DPF3: variants seen among roughly 807,000 people sequenced by gnomAD.
The protein encoded by DPF3 is zinc finger protein DPF3.
Under a neutral mutation model 56.8 loss-of-function variants are expected in DPF3, and 18 were observed. The ratio of observed to expected loss-of-function variants is 0.32; its 90% CI spans 0.22 to 0.47. The LOEUF (loss-of-function observed/expected upper bound fraction) is 0.47. DPF3 is among the 20% of genes least tolerant of loss of function. The pLI, the probability that DPF3 is intolerant of heterozygous loss-of-function variation, is 1.00. For missense variants in DPF3, 403 were observed against 488.8 expected (o/e 0.82, Z 1.65); for synonymous variants, 188 against 180.2 (o/e 1.04, Z -0.35).
At chr14:72,860,556 T>TTTTTCC (rs1452772780) in intron 1 of DPF3, among the ~76,000 whole-genome samples, 1 of 151,556 alleles carries the variant, frequency 6.6e-6, no homozygotes, top group African/African-American at 2.4e-5. Context: ...AGCTTAATTC[T>TTTTTCC]TTTTCTTTTT....
At chr14:72,643,871 C>T (rs1175885579) in intron 8 of DPF3, among the ~76,000 whole-genome samples, 1 of 152,204 alleles carries the variant, frequency 6.6e-6, no homozygotes, top group Non-Finnish European at 1.5e-5. Context: ...GGAAGGATCC[C>T]CTTTTTGTCA....
intron 1 of DPF3, among the ~76,000 whole-genome samples, chr14:72,851,362 T>A (rs759111967): frequency 6.6e-6 from 1 of 152,224 alleles, no homozygotes; most frequent in Non-Finnish European, 1.5e-5. Context: ...CTCTTTTTCT[T>A]ATCCATCTTC....
intron 1 of DPF3, 148 bp from the exon 2 acceptor site, chr14:72,772,041 C>A: frequency 1.2e-6 from 1 of 867,618 alleles, no homozygotes; most frequent in Non-Finnish European, 1.6e-6. Flanking sequence ...AAGAGCCTTG[C>A]CAATGAGCAG....
chr14:72,738,648 G>A (rs1181703177), intron 3 of DPF3, among the ~76,000 whole-genome samples: 1 of 152,182 alleles, frequency 6.6e-6, no homozygotes, highest in East Asian at 1.9e-4. Context: ...ATCAGGAGAG[G>A]CTGGTCAGAT....
At chr14:72,693,434 G>C (rs956348052) in intron 6 of DPF3, among the ~76,000 whole-genome samples, 1 of 152,100 alleles carries the variant, frequency 6.6e-6, no homozygotes, top group Non-Finnish European at 1.5e-5. Context: ...TAAAATATGA[G>C]GTTAAGAGCT....
intron 8 of DPF3, among the ~76,000 whole-genome samples, chr14:72,643,303 A>G (rs545142137): frequency 6.6e-6 from 1 of 152,308 alleles, no homozygotes; most frequent in East Asian, 1.9e-4. Context: ...CATTTGCACC[A>G]CATAAGGGTG....
At chr14:72,887,166 C>CACAT (rs1432083008) in intron 1 of DPF3, among the ~76,000 whole-genome samples, 32 of 112,696 alleles carry the variant, frequency 2.8e-4, no homozygotes, top group Non-Finnish European at 5.2e-4. Flanking sequence ...CACACACACA[C>CACAT]ACACACACAC....
At chr14:72,624,361 C>CA (rs754888615) in intron 9 of DPF3, among the ~76,000 whole-genome samples, 1,298 of 104,120 alleles carry the variant, frequency 0.012, 10 homozygotes, top group Non-Finnish European at 0.018. Context: ...TTTTCTGAGA[C>CA]AGAGTCTCAC....
intron 6 of DPF3, among the ~76,000 whole-genome samples, chr14:72,712,837 T>C (rs1407098886): frequency 1.2e-4 from 18 of 152,348 alleles, no homozygotes; most frequent in Non-Finnish European, 1.5e-5. Flanking sequence ...ATTGCACCAC[T>C]GTACTCCAGC....
intron 1 of DPF3, among the ~76,000 whole-genome samples, chr14:72,845,423 T>C (rs1884710419): frequency 6.6e-6 from 1 of 152,172 alleles, no homozygotes. Context: ...ATCAGCTACC[T>C]ACTTGTCCAC....
intron 1 of DPF3, among the ~76,000 whole-genome samples, chr14:72,797,722 A>G (rs1892697958): frequency 6.6e-6 from 1 of 152,338 alleles, no homozygotes; most frequent in Non-Finnish European, 1.5e-5. Context: ...AATAGAAAAG[A>G]AAGTTTCACA....
At chr14:72,781,074 G>T (rs1891950255) in intron 1 of DPF3, among the ~76,000 whole-genome samples, 1 of 152,318 alleles carries the variant, frequency 6.6e-6, no homozygotes, top group South Asian at 2.1e-4. Flanking sequence ...TAAAACAAGG[G>T]CATGAATGAG....
chr14:72,884,972 T>TATATATATATATATG (rs1886481595), intron 1 of DPF3, among the ~76,000 whole-genome samples: 1 of 14,810 alleles, frequency 6.8e-5, no homozygotes, highest in African/African-American at 1.1e-4. Flanking sequence ...ATATATATAT[T>TATATATATATATATG]AGCCGGGCGT....
Position 72,616,484 on chromosome 14 carries a change from C to T in DPF3, c.*2813G>A, listed in dbSNP as rs1193548250. Among the ~76,000 whole-genome samples, 2 of 152,184 alleles carry T rather than the reference C, an allele frequency of 1.3e-5. No homozygotes were observed. The highest frequency in any genetic ancestry group is 2.9e-5 in the Non-Finnish European group (2 of 68,044). On this transcript the variant is annotated 3_prime_UTR_variant, in exon 11 of 11. Coordinates refer to ENST00000556509, the MANE Select transcript of DPF3 (RefSeq NM_001280542.3). ...GGTCACAAGGGAGATTTGAAGAAGA[C>T]GTCTAACATTGGCTAATGCACACAA... is the stretch of plus-strand genomic sequence containing the variant.
chr14:72,887,437 C>T (rs1480338546), intron 1 of DPF3, among the ~76,000 whole-genome samples: 1 of 152,178 alleles, frequency 6.6e-6, no homozygotes, highest in Non-Finnish European at 1.5e-5. Context: ...TAGGAAGTTC[C>T]ACCCAGCTTA....
intron 1 of DPF3, among the ~76,000 whole-genome samples, chr14:72,787,481 C>A (rs1892255873): frequency 6.6e-6 from 1 of 152,142 alleles, no homozygotes; most frequent in Admixed American, 6.5e-5. Context: ...GTGGGGCAGG[C>A]CAACCACGTG....
rs1283022985 is a variant in DPF3, at chr14:72,893,006, AGGAAGGAAGGAAG to A, written c.32+1038_32+1050del. Among the ~76,000 whole-genome samples the A allele has an allele frequency of 1.5e-4, 18 of 123,746 alleles. 1 individual carries two copies. Among genetic ancestry groups the A allele is most frequent in the African/African-American group, 5.5e-4 (18 of 32,592 alleles). 81.2% of individuals were successfully genotyped at this position (123,746 alleles called of 152,430 possible). A position where few individuals can be genotyped will look rare whatever the true frequency, so the allele number is the denominator to read the frequency against. The stretch of plus-strand genomic sequence containing the variant: ...AAGGAAGGAAGGAAGGAAGGAAGGA[AGGAAGGAAGGAAG>A]GAAGGATGAAAAGGAGGAGGAAGGC... On this transcript the variant is annotated intron_variant, in intron 1 of 10. Coordinates refer to ENST00000556509, the MANE Select transcript of DPF3 (RefSeq NM_001280542.3).
In DPF3 at chr14:72,838,905, A is replaced by ATATATATATATATATATTTTT; in HGVS notation, c.32+55151_32+55152insAAAAATATATATATATATATA. ...ATCTATCATATATATTATCATATATATTCTTTTTTTTTTTTTTTTTTTTTT... is the reference window on the plus strand; with the variant it reads ...ATCTATCATATATATTATCATATATATATATATATATATATATTTTTTTCTTTTTTTTTTTTTTTTTTTTTT... On this transcript the variant is annotated intron_variant, in intron 1 of 10. Coordinates refer to ENST00000556509, the MANE Select transcript of DPF3 (RefSeq NM_001280542.3). Among the ~76,000 whole-genome samples, 3 of 64,500 alleles carry ATATATATATATATATATTTTT rather than the reference A, an allele frequency of 4.7e-5. 1 individual carries two copies. Among genetic ancestry groups the ATATATATATATATATATTTTT allele is most frequent in the Non-Finnish European group, 2.8e-5 (1 of 36,106 alleles). The allele number at this position is 64,500 out of a possible 152,430, so 42.3% of individuals were successfully genotyped here.
At chr14:72,697,636 T>C (rs577696129) in intron 6 of DPF3, among the ~76,000 whole-genome samples, 3 of 152,156 alleles carry the variant, frequency 2.0e-5, no homozygotes, top group South Asian at 4.2e-4. Flanking sequence ...GAGGATTCTA[T>C]CCTGAGGACC....
Sources: allele counts gnomAD v4.1 joint callset (sites outside exome capture counted in the v4.1 genomes callset), GRCh38; gene constraint gnomAD v4.1.1; transcripts MANE v1.5; gene names NCBI Gene and HGNC (gene_info 2026-07-23, HGNC 2026-07-21).